BEND5: variants seen among roughly 807,000 people sequenced by gnomAD.
BEND5 encodes the protein BEN domain containing 5, also known as BEN domain-containing protein 5.
A neutral mutation model predicts 43.9 loss-of-function variants in BEND5; 22 were observed. The ratio of observed to expected loss-of-function variants is 0.50; its 90% CI spans 0.36 to 0.72. The LOEUF is 0.72. Among genes scored for constraint, BEND5 ranks in the 30% least tolerant of loss-of-function variants. The pLI is 0.00. For missense variants in BEND5, 428 were observed against 550.6 expected (o/e 0.78, Z 2.23); for synonymous variants, 228 against 225.9 (o/e 1.01, Z -0.08).
chr1:48,753,072 A>G (rs1235161204), intron 3 of BEND5, among the ~76,000 whole-genome samples: 1 of 152,190 alleles, frequency 6.6e-6, no homozygotes, highest in Admixed American at 6.5e-5. Context: ...AAGAACCATA[A>G]TAGCTGATAC....
At chr1:48,776,571 C>A (rs754849903) in intron 1 of BEND5, 35 bp downstream of exon 1, 1 of 1,363,746 alleles carries the variant, frequency 7.3e-7, no homozygotes, top group Non-Finnish European at 9.5e-7. Context: ...AGCCCCCGCC[C>A]GGGTCCCACC....
chr1:48,759,213 C>T lies in BEND5; in HGVS notation c.432G>A (p.Lys144=). The T allele has an allele frequency of 6.2e-7, 1 of 1,605,708 alleles. No homozygotes were observed. Among genetic ancestry groups the T allele is most frequent in the South Asian group, 1.1e-5 (1 of 90,082 alleles). The change falls in exon 3 of 6, where the codon AAG becomes AAA. Residue 144 remains lysine, a synonymous_variant. Transcript: ENST00000371833. ...SIEAVVARLE[K]QNGLSLGHST... is the part of the protein sequence containing the mutation. The stretch of plus-strand genomic sequence containing the variant: ...TATGGCCCAGGCTCAGGCCGTTCTG[C>T]TTCTCTAGCCGAGCCACCACTGCCT...
chr1:48,743,178 CGT>C (rs957159327), intron 3 of BEND5, among the ~76,000 whole-genome samples: 9 of 152,192 alleles, frequency 5.9e-5, no homozygotes, highest in Admixed American at 5.9e-4. Context: ...TGGAGAAGGC[CGT>C]AACAGAAGAA....
Position 48,760,016 on chromosome 1 carries a change from G to T in BEND5, c.361-732C>A, listed in dbSNP as rs191068348. The stretch of plus-strand genomic sequence containing the variant: ...ACAGGTGAGAAAACTGAGGGTCAGA[G>T]AGTTCAGGGAAGGACTACACTTAGG... On this transcript the variant is annotated intron_variant, in intron 2 of 5. Transcript: ENST00000371833. Among the ~76,000 whole-genome samples, 478 of 152,282 alleles carry T rather than the reference G, an allele frequency of 3.1e-3. 2 individuals carry two copies. Among genetic ancestry groups the T allele is most frequent in the African/African-American group, 0.01 (426 of 41,554 alleles).
At chr1:48,737,152 C>T (rs1212045441) in intron 4 of BEND5, among the ~76,000 whole-genome samples, 1 of 152,112 alleles carries the variant, frequency 6.6e-6, no homozygotes, top group Non-Finnish European at 1.5e-5. Flanking sequence ...GGTGTGGTGG[C>T]ACGCACCTGT....
intron 1 of BEND5, among the ~76,000 whole-genome samples, chr1:48,762,614 T>TTGTG (rs58396843): frequency 2.2e-3 from 164 of 75,100 alleles, no homozygotes; most frequent in African/African-American, 5.1e-3. Flanking sequence ...TTTAAGGGTT[T>TTGTG]TGTGTGTGTG....
intron 1 of BEND5, among the ~76,000 whole-genome samples, chr1:48,776,064 G>A (rs1228106157): frequency 4.6e-5 from 7 of 152,202 alleles, no homozygotes; most frequent in Admixed American, 3.9e-4. Flanking sequence ...GCCCGGATGG[G>A]ACAAGGATGT....
intron 3 of BEND5, among the ~76,000 whole-genome samples, chr1:48,743,732 A>G (rs1322849842): frequency 1.3e-5 from 2 of 152,192 alleles, no homozygotes; most frequent in Non-Finnish European, 2.9e-5. Flanking sequence ...AGCCATGTGG[A>G]CAACTGGGTA....
At chr1:48,747,513 C>T (rs1650960305) in intron 3 of BEND5, among the ~76,000 whole-genome samples, 1 of 152,178 alleles carries the variant, frequency 6.6e-6, no homozygotes, top group African/African-American at 2.4e-5. Context: ...TGGGGAAGTT[C>T]AGATTTAACA....
At chr1:48,764,299 C>A (rs2148670223) in intron 1 of BEND5, among the ~76,000 whole-genome samples, 1 of 152,334 alleles carries the variant, frequency 6.6e-6, no homozygotes, top group East Asian at 1.9e-4. Flanking sequence ...ATTTCCTCAT[C>A]TATGAATTGA....
chr1:48,754,070 T>C (rs902009725), intron 3 of BEND5, among the ~76,000 whole-genome samples: 3 of 152,196 alleles, frequency 2.0e-5, no homozygotes, highest in African/African-American at 7.2e-5. Flanking sequence ...GAGAGTCTTA[T>C]TTGAACTAAT....
chr1:48,776,884 G>A lies in BEND5; in HGVS notation c.-53C>T, dbSNP rs1570645256. On this transcript the variant is annotated 5_prime_UTR_variant, in exon 1 of 6. Transcript: ENST00000371833. ...GGGCAGCTCAGCCCGCGGGGCGGGC[G>A]CGGAGGTGGGGATCCGGCGGGGGGC... 8.7e-6 allele frequency: 11 copies of A among 1,263,398 alleles called. No homozygotes were observed. The East Asian group carries it at 2.2e-4, about 25-fold the overall frequency. The allele number at this position is 1,263,398 out of a possible 1,614,324, so 78.3% of individuals were successfully genotyped here.
rs1355958680 is a variant in BEND5, at chr1:48,742,688, T to G, written c.829A>C (p.Asn277His). 7.4e-6 allele frequency: 12 copies of G among 1,611,648 alleles called. No individual in the cohort carries two copies. The highest frequency in any genetic ancestry group is 9.3e-6 in the Non-Finnish European group (11 of 1,178,838). Residue 277 changes from asparagine (N) to histidine (H), a missense_variant, in exon 4 of 6, where the codon AAT (asparagine) becomes CAT (histidine). Asn to His is a moderately conservative substitution (Grantham distance 68, BLOSUM62 1). Around this residue, in one of 4 missense-constraint regions of BEND5, gnomAD observed 243 missense variants for 286.4 expected, o/e 0.85. Transcript: ENST00000371833. ...ELRSTFSEEA[N>H]TSSYYPAPAP... ...GGAGCGGGGTAATAGGACGACGTAT[T>G]TGCTTCCTCACTGAAAGTGCTCCGT...
At chr1:48,750,244 C>A (rs560206648) in intron 3 of BEND5, among the ~76,000 whole-genome samples, 2 of 152,158 alleles carry the variant, frequency 1.3e-5, no homozygotes, top group African/African-American at 2.4e-5. Context: ...TGGGGAAGTG[C>A]CCCCATGAAC....
chr1:48,737,721 A>G (rs1319472984), intron 4 of BEND5, among the ~76,000 whole-genome samples: 1 of 152,218 alleles, frequency 6.6e-6, no homozygotes, highest in Non-Finnish European at 1.5e-5. Flanking sequence ...CTGCATCTTT[A>G]GTAAATCTAA....
intron 2 of BEND5, among the ~76,000 whole-genome samples, chr1:48,760,299 TAGG>T (rs1644186327): frequency 6.6e-6 from 1 of 152,140 alleles, no homozygotes; most frequent in South Asian, 2.1e-4. Context: ...GCAGGAGGGT[TAGG>T]AGCTCTCCTG....
chr1:48,727,754 C>G lies in BEND5; in HGVS notation c.*132G>C. On this transcript the variant is annotated 3_prime_UTR_variant, in exon 6 of 6. Transcript: ENST00000371833. ...GAGTGTCCACATTCAGAACAAGCCG[C>G]TGACCCCAGAACCCGATGGATCCCT... is the stretch of plus-strand genomic sequence containing the variant. The G allele has an allele frequency of 1.2e-6, 1 of 812,886 alleles. No homozygotes were observed. Among genetic ancestry groups the G allele is most frequent in the Non-Finnish European group, 1.9e-6 (1 of 532,464 alleles). 50.4% of individuals were successfully genotyped at this position (812,886 alleles called of 1,614,324 possible). A position where few individuals can be genotyped will look rare whatever the true frequency, so the allele number is the denominator to read the frequency against.
At chr1:48,734,829 G>A (rs1330178476) in intron 5 of BEND5, among the ~76,000 whole-genome samples, 1 of 152,194 alleles carries the variant, frequency 6.6e-6, no homozygotes, top group African/African-American at 2.4e-5. Context: ...CTTGTTCCTG[G>A]ACATATTTGT....
intron 3 of BEND5, among the ~76,000 whole-genome samples, chr1:48,744,036 G>T (rs955540680): frequency 6.6e-6 from 1 of 152,176 alleles, no homozygotes; most frequent in African/African-American, 2.4e-5. Flanking sequence ...ACTCATCCTG[G>T]TAGAGATTTC....
Sources: allele counts gnomAD v4.1 joint callset (sites outside exome capture counted in the v4.1 genomes callset), GRCh38; gene constraint gnomAD v4.1.1; regional missense constraint gnomAD v4.1.1; transcripts MANE v1.5; gene names NCBI Gene and HGNC (gene_info 2026-07-23, HGNC 2026-07-21).